ATRIP: variants seen among roughly 807,000 people sequenced by gnomAD.
The protein encoded by ATRIP is ATR-interacting protein.
A neutral mutation model predicts 78.1 loss-of-function variants in ATRIP; 44 were observed. The observed-to-expected ratio is 0.56, with a 90% confidence interval of 0.44 to 0.72. The LOEUF is 0.72. Among genes scored for constraint, ATRIP ranks in the 30% least tolerant of loss-of-function variants. The pLI is 0.00. For missense variants in ATRIP, 927 were observed against 980.2 expected, an observed-to-expected ratio of 0.95 and a Z score of 0.72; for synonymous variants, 388 against 408.9, an observed-to-expected ratio of 0.95 and a Z score of 0.62.
At chr3:48,459,650 C>A in intron 6 of ATRIP, 137 bp from the exon 7 acceptor site, 4 of 1,263,784 alleles carry the variant, frequency 3.2e-6, no homozygotes, top group Non-Finnish European at 3.3e-6. Flanking sequence ...GCCTTCCGCA[C>A]CCACAGGCAT....
chr3:48,457,106 T>C (rs2039972888), intron 4 of ATRIP, among the ~76,000 whole-genome samples, 153 bp from the exon 5 acceptor site: 1 of 152,236 alleles, frequency 6.6e-6, no homozygotes, highest in Non-Finnish European at 1.5e-5. Flanking sequence ...GCACTGCTCC[T>C]CTGACAAAGA....
Position 48,460,156 on chromosome 3 carries a change from GGGTCATTTTC to G in ATRIP, c.1103_1112del (p.Gly368AlafsTer5). On this transcript the variant is annotated frameshift_variant, in exon 8 of 13. Coordinates refer to ENST00000320211, the MANE Select transcript of ATRIP (RefSeq NM_130384.3). LOFTEE classifies it high-confidence loss of function. ...CCTCAGGACCACAGGTTCTTATGAT[GGGTCATTTTC>G]CCTCTCAGCCCTGAGAGAAGCACAG... 1 of 1,613,764 alleles carries G rather than the reference GGGTCATTTTC, an allele frequency of 6.2e-7. No homozygotes were observed. Among genetic ancestry groups the G allele is most frequent in the Non-Finnish European group, 8.5e-7 (1 of 1,179,968 alleles).
At chr3:48,447,217 C>T (rs1160128572) in intron 1 of ATRIP, 125 bp downstream of exon 1, 1 of 1,276,214 alleles carries the variant, frequency 7.8e-7, no homozygotes, top group Non-Finnish European at 9.9e-7. Flanking sequence ...TATGGGAACA[C>T]CCTGATTTAA....
chr3:48,465,157 G>C, intron 12 of ATRIP, 74 bp downstream of exon 12: 1 of 1,549,248 alleles, frequency 6.5e-7, no homozygotes, highest in Non-Finnish European at 8.8e-7. Context: ...TCAGATTCCT[G>C]GGTGTCCCCT....
At chr3:48,452,599 G>A (rs1395870733) in intron 3 of ATRIP, among the ~76,000 whole-genome samples, 4 of 152,118 alleles carry the variant, frequency 2.6e-5, no homozygotes, top group African/African-American at 9.7e-5. Flanking sequence ...GGAGGCTGAG[G>A]TGGGAGAATT....
Position 48,460,622 on chromosome 3 carries a change from C to A in ATRIP, c.1568C>A (p.Thr523Asn), listed in dbSNP as rs1172441015. The A allele has an allele frequency of 2.6e-5, 42 of 1,614,032 alleles. No individual in the cohort carries two copies. The East Asian group carries it at 9.1e-4, about 35-fold the overall frequency. ...CACAGGCTTAGTGATGGAGATATGA[C>A]CTCAGCCCTAAGGGGGGTTGCTGAT... ...LVHRLSDGDMTSALRGVADDQ... is the reference protein window; with the variant it reads ...LVHRLSDGDMNSALRGVADDQ... The change falls in exon 8 of 13, where the codon ACC (threonine) becomes AAC (asparagine). Residue 523 changes from threonine (T) to asparagine (N), a missense_variant. Physicochemically the swap from Thr to Asn is moderately conservative, Grantham distance 65. Coordinates refer to ENST00000320211, the MANE Select transcript of ATRIP (RefSeq NM_130384.3).
chr3:48,466,498 C>T lies in ATRIP; in HGVS notation c.*944C>T, dbSNP rs1426468663. On this transcript the variant is annotated 3_prime_UTR_variant, in exon 13 of 13. Transcript: ENST00000320211. ...CCAACTTCCTGCCTGAAAATGGGCC[C>T]TGGAGCTCGCAGACAGGGCAGGATT... is the stretch of plus-strand genomic sequence containing the variant. 2 of 1,614,032 alleles carry T rather than the reference C, an allele frequency of 1.2e-6. No homozygotes were observed. The highest frequency in any genetic ancestry group is 8.5e-7 in the Non-Finnish European group (1 of 1,180,002).
chr3:48,465,609 A>G lies in ATRIP; in HGVS notation c.*55A>G. On this transcript the variant is annotated 3_prime_UTR_variant, in exon 13 of 13. Coordinates refer to ENST00000320211, the MANE Select transcript of ATRIP (RefSeq NM_130384.3). ...CCAGCACCACTCCTTTCCTTACCAC[A>G]TCAACTGATTAAAGCAGTGACCAGC... The G allele has an allele frequency of 1.3e-6, 2 of 1,515,120 alleles. No homozygotes were observed. Among genetic ancestry groups the G allele is most frequent in the Non-Finnish European group, 1.8e-6 (2 of 1,091,036 alleles). 93.9% of individuals were successfully genotyped at this position (1,515,120 alleles called of 1,614,324 possible). A position where few individuals can be genotyped will look rare whatever the true frequency, so the allele number is the denominator to read the frequency against.
At chr3:48,449,274 C>T (rs1020295860) in intron 1 of ATRIP, among the ~76,000 whole-genome samples, 6 of 151,694 alleles carry the variant, frequency 4.0e-5, no homozygotes, top group African/African-American at 9.7e-5. Flanking sequence ...ATTAGCCGGG[C>T]GTGGTAGCAC....
rs1297079892 is a variant in ATRIP, at chr3:48,457,349, T to G, written c.762T>G (p.Ser254Arg). The G allele has an allele frequency of 6.2e-7, 1 of 1,608,768 alleles. No homozygotes were observed. The highest frequency in any genetic ancestry group is 8.5e-7 in the Non-Finnish European group (1 of 1,177,792). Residue 254 changes from serine (S) to arginine (R), a missense_variant, in exon 5 of 13, where the codon AGT becomes AGG. Transcript: ENST00000320211. The stretch of plus-strand genomic sequence containing the variant: ...CTTTTCCTACAAAGGAGTCTTTTAG[T>G]GCTAACATGTCCCTTCCCCACCCCT... ...KTSFPTKESFSANMSLPHPCQ... is the reference protein window; with the variant it reads ...KTSFPTKESFRANMSLPHPCQ...
chr3:48,448,143 C>T (rs1249970988), intron 1 of ATRIP, among the ~76,000 whole-genome samples: 5 of 148,432 alleles, frequency 3.4e-5, no homozygotes, highest in African/African-American at 9.9e-5. Flanking sequence ...GTGTCTTACA[C>T]AGATATACGT....
intron 4 of ATRIP, among the ~76,000 whole-genome samples, chr3:48,454,891 C>G (rs1332003575): frequency 6.9e-6 from 1 of 145,586 alleles, no homozygotes; most frequent in Non-Finnish European, 1.5e-5. Flanking sequence ...GAGACAGAGT[C>G]TCGCTCTGTC....
intron 10 of ATRIP, 38 bp downstream of exon 10, chr3:48,464,170 C>A: frequency 6.6e-7 from 1 of 1,503,794 alleles, no homozygotes; most frequent in Non-Finnish European, 9.2e-7. Context: ...ACTGTCCCCA[C>A]CCCATCCTAA....
At chr3:48,465,390 G>C (rs1272967800) in intron 12 of ATRIP, 97 bp from the exon 13 acceptor site, 1 of 1,250,332 alleles carries the variant, frequency 8.0e-7, no homozygotes, top group Non-Finnish European at 1.2e-6. Context: ...GGAAGGGACT[G>C]GTTAGTTCCT....
rs754998493 is a variant in ATRIP, at chr3:48,460,536, CCTATTA to C, written c.1485_1490del (p.Leu496_Leu497del). On this transcript the variant is annotated inframe_deletion, in exon 8 of 13. Transcript: ENST00000320211. ...TGTGCCACAGCGGAGCAGTCGTCTC[CCTATTA>C]CTGTCAGGAGTGGGGGCAGATTCTG... 5 of 1,614,004 alleles carry C rather than the reference CCTATTA, an allele frequency of 3.1e-6. No homozygotes were observed. In the Admixed American group the frequency reaches 8.3e-5, roughly 27 times the overall value.
Position 48,446,902 on chromosome 3 carries a change from C to T in ATRIP, c.57C>T (p.Arg19=). Residue 19 remains arginine (R), a synonymous_variant, in exon 1 of 13, where the codon CGC becomes CGT. Transcript: ENST00000320211. The part of the protein sequence containing the change: ...SKRRSEPPAP[R]PGPPPGTGHP... ...GGCGGAGCGAGCCCCCGGCGCCTCG[C>T]CCCGGCCCGCCGCCGGGCACCGGGC... 1 of 1,386,350 alleles carries T rather than the reference C, an allele frequency of 7.2e-7. No homozygotes were observed. The highest frequency in any genetic ancestry group is 1.8e-5 in the South Asian group (1 of 54,352). The allele number at this position is 1,386,350 out of a possible 1,614,324, so 85.9% of individuals were successfully genotyped here. A position where few individuals can be genotyped will look rare whatever the true frequency, so the allele number is the denominator to read the frequency against.
chr3:48,447,027 A>ATGT lies in ATRIP; in HGVS notation c.182_183insTGT (p.Glu61delinsAspVal). On this transcript the variant is annotated protein_altering_variant, in exon 1 of 13. Transcript: ENST00000320211. ...GGGGACTTCACTGCCGACGACCTGGAGGAGCTTGACACCCTCGCGTCACAG... is the reference window on the plus strand; with the variant it reads ...GGGGACTTCACTGCCGACGACCTGGATGTGGAGCTTGACACCCTCGCGTCACAG... 1 of 1,571,790 alleles carries ATGT rather than the reference A, an allele frequency of 6.4e-7. No homozygotes were observed. The highest frequency in any genetic ancestry group is 1.2e-5 in the South Asian group (1 of 86,450).
chr3:48,453,336 T>G (rs1057448004), intron 3 of ATRIP, among the ~76,000 whole-genome samples: 4 of 152,234 alleles, frequency 2.6e-5, no homozygotes, highest in African/African-American at 9.6e-5. Context: ...TAGCAAACTT[T>G]AAGCACTTAC....
chr3:48,452,870 ATTTTTT>A (rs71074246), intron 3 of ATRIP, among the ~76,000 whole-genome samples: 6,079 of 117,506 alleles, frequency 0.052, 408 homozygotes, highest in African/African-American at 0.18. Flanking sequence ...AAATTATTGA[ATTTTTT>A]TTTTTTTTTT....
Sources: allele counts gnomAD v4.1 joint callset (sites outside exome capture counted in the v4.1 genomes callset), GRCh38; gene constraint gnomAD v4.1.1; transcripts MANE v1.5; gene names NCBI Gene and HGNC (gene_info 2026-07-23, HGNC 2026-07-21).